Variants in FGF12 observed in about 807,000 individuals in gnomAD.
FGF12 encodes fibroblast growth factor 12B.
Under a neutral mutation model 23.6 loss-of-function variants are expected in FGF12, and 14 were observed. That is an observed-to-expected ratio of 0.59 (90% confidence interval 0.39 to 0.93). The LOEUF (loss-of-function observed/expected upper bound fraction) is 0.93. Ranked by LOEUF, FGF12 falls within the 40% of genes least tolerant of loss-of-function variation. The pLI is 0.00. For missense variants in FGF12, 175 were observed against 217.8 expected, an observed-to-expected ratio of 0.80 and a Z score of 1.24; for synonymous variants, 62 against 77.3, an observed-to-expected ratio of 0.80 and a Z score of 1.04.
chr3:192,262,903 G>A (rs1712849024), intron 4 of FGF12, among the ~76,000 whole-genome samples: 1 of 151,852 alleles, frequency 6.6e-6, no homozygotes, highest in Non-Finnish European at 1.5e-5. Context: ...CCTGCAGAAA[G>A]GGAGAGAGAA....
At chr3:192,307,506 T>C (rs1008103791) in intron 4 of FGF12, among the ~76,000 whole-genome samples, 8 of 152,120 alleles carry the variant, frequency 5.3e-5, no homozygotes, top group Admixed American at 5.2e-4. Flanking sequence ...TAAATAAAGC[T>C]AGAGTGGGCA....
chr3:192,690,952 T>C (rs924972791), intron 2 of FGF12, among the ~76,000 whole-genome samples: 3 of 152,058 alleles, frequency 2.0e-5, no homozygotes, highest in East Asian at 1.9e-4. Context: ...GGTCATTATA[T>C]AATGATGAAG....
intron 2 of FGF12, among the ~76,000 whole-genome samples, chr3:192,389,671 A>G (rs1171585903): frequency 6.6e-6 from 1 of 152,256 alleles, no homozygotes; most frequent in African/African-American, 2.4e-5. Context: ...ATAAAAAGGC[A>G]TTCTCTTATG....
chr3:192,378,826 G>A (rs981330345), intron 2 of FGF12, among the ~76,000 whole-genome samples: 4 of 151,980 alleles, frequency 2.6e-5, no homozygotes, highest in African/African-American at 9.7e-5. Context: ...TCATGGATTG[G>A]GGGGCTGTTG....
At chr3:192,588,134 A>G (rs116684761) in intron 2 of FGF12, among the ~76,000 whole-genome samples, 2,818 of 151,576 alleles carry the variant, frequency 0.019, 102 homozygotes, top group African/African-American at 0.065. Flanking sequence ...TAACCAGGTC[A>G]GGAGACCGAG....
intron 2 of FGF12, among the ~76,000 whole-genome samples, chr3:192,616,390 T>C (rs977357609): frequency 6.6e-6 from 1 of 152,092 alleles, no homozygotes; most frequent in African/African-American, 2.4e-5. Flanking sequence ...TTTAGGTATA[T>C]ACCTCATCAA....
At chr3:192,208,840 T>C (rs1717784546) in intron 4 of FGF12, among the ~76,000 whole-genome samples, 1 of 152,176 alleles carries the variant, frequency 6.6e-6, no homozygotes, top group Non-Finnish European at 1.5e-5. Flanking sequence ...ACGTGAGAGG[T>C]ATCTAACTTA....
chr3:192,160,222 C>G (rs1371825769), intron 5 of FGF12, among the ~76,000 whole-genome samples: 1 of 152,132 alleles, frequency 6.6e-6, no homozygotes, highest in East Asian at 1.9e-4. Flanking sequence ...TGCTCAAAAT[C>G]TATAATGAAT....
chr3:192,562,380 T>G (rs1409043319), intron 2 of FGF12, among the ~76,000 whole-genome samples: 2 of 152,206 alleles, frequency 1.3e-5, no homozygotes, highest in Non-Finnish European at 2.9e-5. Context: ...TTTTATTGCA[T>G]TTAAATTTTT....
At chr3:192,649,928 G>A (rs943334583) in intron 2 of FGF12, among the ~76,000 whole-genome samples, 2 of 152,236 alleles carry the variant, frequency 1.3e-5, no homozygotes, top group African/African-American at 4.8e-5. Context: ...AGTTTATTCT[G>A]TGGTATATTT....
At chr3:192,467,540 A>AT (rs11421383) in intron 2 of FGF12, among the ~76,000 whole-genome samples, 15,624 of 152,118 alleles carry the variant, frequency 0.1, 2,563 homozygotes, top group African/African-American at 0.35. Flanking sequence ...GGAAGGTTAT[A>AT]TGGAATTACC....
intron 4 of FGF12, among the ~76,000 whole-genome samples, chr3:192,286,082 C>T (rs151291055): frequency 1.3e-5 from 2 of 151,908 alleles, no homozygotes; most frequent in Non-Finnish European, 1.5e-5. Flanking sequence ...AGTGAAAATT[C>T]CAATAAGGAG....
At chr3:192,313,699 A>G (rs1716076799) in intron 4 of FGF12, among the ~76,000 whole-genome samples, 1 of 152,192 alleles carries the variant, frequency 6.6e-6, no homozygotes, top group Non-Finnish European at 1.5e-5. Context: ...CCTGTCAACT[A>G]ATAGTTATGG....
chr3:192,236,543 T>C (rs188924171), intron 4 of FGF12, among the ~76,000 whole-genome samples: 33 of 152,348 alleles, frequency 2.2e-4, no homozygotes, highest in African/African-American at 7.7e-4. Flanking sequence ...TGTTCCAGTG[T>C]TGGGTGCATA....
At chr3:192,558,194 T>G (rs1577053019) in intron 2 of FGF12, among the ~76,000 whole-genome samples, 1 of 151,780 alleles carries the variant, frequency 6.6e-6, no homozygotes, top group East Asian at 1.9e-4. Flanking sequence ...CATATCAGAA[T>G]AAACAAACAG....
At chr3:192,622,757 A>T (rs908864072) in intron 2 of FGF12, among the ~76,000 whole-genome samples, 1 of 152,160 alleles carries the variant, frequency 6.6e-6, no homozygotes, top group Non-Finnish European at 1.5e-5. Context: ...ACTTTTCTTC[A>T]TCAGGTGAGG....
intron 4 of FGF12, among the ~76,000 whole-genome samples, chr3:192,191,938 A>T (rs1396512419): frequency 6.6e-6 from 1 of 152,212 alleles, no homozygotes; most frequent in African/African-American, 2.4e-5. Flanking sequence ...CCAGAAAATA[A>T]GAGAATTACA....
intron 2 of FGF12, among the ~76,000 whole-genome samples, chr3:192,659,597 T>G (rs1212617937): frequency 2.6e-5 from 4 of 152,186 alleles, no homozygotes; most frequent in African/African-American, 9.7e-5. Flanking sequence ...ATTTGCTTTT[T>G]CCCTAAAGCA....
chr3:192,397,312 A>C (rs1347827646), intron 2 of FGF12, among the ~76,000 whole-genome samples: 1 of 152,208 alleles, frequency 6.6e-6, no homozygotes, highest in African/African-American at 2.4e-5. Context: ...GCAAGGAGGC[A>C]ATGAGGAATC....
Sources: allele counts gnomAD v4.1 joint callset (sites outside exome capture counted in the v4.1 genomes callset), GRCh38; gene constraint gnomAD v4.1.1; transcripts MANE v1.5; gene names NCBI Gene and HGNC (gene_info 2026-07-23, HGNC 2026-07-21).